The following HPF1 variants were observed in gnomAD, a reference collection of about 807,000 sequenced individuals.
The protein encoded by HPF1 is histone PARylation factor 1.
In HPF1, 35 loss-of-function variants were observed where a neutral mutation model predicts 38.8. The observed-to-expected ratio is 0.90, with a 90% CI of 0.69 to 1.19. HPF1 has a LOEUF of 1.19. Among genes scored for constraint, HPF1 ranks in the 50% most tolerant of loss-of-function variants. HPF1 has a pLI of 0.00. For missense variants in HPF1, 367 were observed against 405.8 expected (o/e 0.90, Z 0.82); for synonymous variants, 115 against 139.2 (o/e 0.83, Z 1.22).
At chr4:169,755,145 A>G (rs934501533) in intron 1 of HPF1, among the ~76,000 whole-genome samples, 21 of 150,216 alleles carry the variant, frequency 1.4e-4, no homozygotes, top group Admixed American at 1.3e-3. Flanking sequence ...CGTCTACAAA[A>G]TGTAATCAGA....
At chr4:169,757,750 G>C in intron 1 of HPF1, 80 bp downstream of exon 1, 1 of 1,285,942 alleles carries the variant, frequency 7.8e-7, no homozygotes. Flanking sequence ...GTCACTGGAT[G>C]AATGAAAAGC....
At chr4:169,750,011 C>T (rs548813303) in intron 3 of HPF1, among the ~76,000 whole-genome samples, 7 of 152,292 alleles carry the variant, frequency 4.6e-5, no homozygotes, top group South Asian at 4.2e-4. Flanking sequence ...CTGGTACAAG[C>T]GGACAAGTAT....
rs942141726 is a variant in HPF1 at position 169,733,089 on chromosome 4, G to A, written c.737-1213C>T. ...TGTGACTTGTGGTGAACTAAACCCAGAAAAAGACAACAATGTAAGAGACAA... is the reference window on the plus strand; with the variant it reads ...TGTGACTTGTGGTGAACTAAACCCAAAAAAAGACAACAATGTAAGAGACAA... On this transcript the variant is annotated intron_variant, in intron 6 of 7. Transcript: ENST00000393381. Among the ~76,000 whole-genome samples the A allele has an allele frequency of 9.2e-5, 14 of 152,178 alleles. No individual in the cohort carries two copies. In the South Asian group the frequency reaches 1.9e-3, roughly 20 times the overall value.
chr4:169,737,225 G>A (rs1163713585), intron 6 of HPF1, among the ~76,000 whole-genome samples: 2 of 149,952 alleles, frequency 1.3e-5, no homozygotes, highest in East Asian at 2.0e-4. Context: ...GGGAGGCGGA[G>A]GTTGCAGTGA....
intron 3 of HPF1, 115 bp from the exon 4 acceptor site, chr4:169,748,957 C>G (rs1320948113): frequency 1.8e-6 from 1 of 551,456 alleles, no homozygotes; most frequent in South Asian, 2.4e-5. Context: ...TTTTTGGAGG[C>G]CTTTTTTTTT....
At chr4:169,746,591 G>T (rs929474833) in intron 4 of HPF1, among the ~76,000 whole-genome samples, 1 of 151,844 alleles carries the variant, frequency 6.6e-6, no homozygotes, top group Non-Finnish European at 1.5e-5. Context: ...GCAGACACAA[G>T]ATTTAATAAT....
chr4:169,742,842 T>C (rs1733993242), intron 4 of HPF1, among the ~76,000 whole-genome samples: 1 of 151,834 alleles, frequency 6.6e-6, no homozygotes, highest in Admixed American at 6.6e-5. Flanking sequence ...GGTCCATGCC[T>C]GTAACCCCAG....
chr4:169,753,625 C>T (rs968706259), intron 2 of HPF1, 51 bp downstream of exon 2: 10 of 1,506,430 alleles, frequency 6.6e-6, no homozygotes, highest in African/African-American at 1.4e-5. Flanking sequence ...AGCTGGTTTC[C>T]TATTACATTA....
rs766246820 is a variant in HPF1 at position 169,748,860 on chromosome 4, A to G, written c.399-18T>C. On this transcript the variant is annotated intron_variant, in intron 3 of 7. Coordinates refer to ENST00000393381, the MANE Select transcript of HPF1 (RefSeq NM_017867.3). ...GAGAATCCCTGTGTAAGCAAAAGAC[A>G]TTAAAAATTTAGCTGCCCATAATTT... is the stretch of plus-strand genomic sequence containing the variant. 2.4e-6 allele frequency: 3 copies of G among 1,228,202 alleles called. No homozygotes were observed. Among genetic ancestry groups the G allele is most frequent in the Non-Finnish European group, 3.5e-6 (3 of 869,516 alleles). The allele number at this position is 1,228,202 out of a possible 1,614,324, so 76.1% of individuals were successfully genotyped here.
At chr4:169,738,526 A>C (rs1374443598) in intron 5 of HPF1, among the ~76,000 whole-genome samples, 2 of 152,168 alleles carry the variant, frequency 1.3e-5, no homozygotes, top group Non-Finnish European at 2.9e-5. Context: ...ACCAAACTCC[A>C]ATTTTAAAGG....
intron 4 of HPF1, among the ~76,000 whole-genome samples, chr4:169,747,165 C>T (rs1581320652): frequency 6.7e-6 from 1 of 149,594 alleles, no homozygotes. Context: ...ATACTCTGCC[C>T]TCGTGGAACT....
chr4:169,750,575 A>G lies in HPF1; in HGVS notation c.359T>C (p.Ile120Thr), dbSNP rs1205204608. The change falls in exon 3 of 8, where the codon ATT (isoleucine) becomes ACT (threonine). Residue 120 changes from isoleucine to threonine, a missense_variant. Physicochemically the swap from Ile to Thr is moderately conservative, Grantham distance 89. Coordinates refer to ENST00000393381, the MANE Select transcript of HPF1 (RefSeq NM_017867.3). ...GTGGTACTGAGTTTTATTATCTCCA[A>G]TAATAATGGTCTGGAACTCAGGAGG... Reference protein sequence around the residue: ...YDPPEFQTIIIGDNKTQYHMG... With the variant: ...YDPPEFQTIITGDNKTQYHMG... The G allele has an allele frequency of 2.5e-6, 4 of 1,610,996 alleles. No individual in the cohort carries two copies. The highest frequency in any genetic ancestry group is 2.5e-6 in the Non-Finnish European group (3 of 1,179,132).
intron 6 of HPF1, 55 bp from the exon 7 acceptor site, chr4:169,731,931 T>A: frequency 7.2e-7 from 1 of 1,393,258 alleles, no homozygotes; most frequent in Non-Finnish European, 1.0e-6. Flanking sequence ...AATGAATCAG[T>A]CTTCAAAAGT....
intron 2 of HPF1, among the ~76,000 whole-genome samples, chr4:169,751,115 T>TA (rs1222031455): frequency 5.3e-5 from 8 of 151,876 alleles, no homozygotes; most frequent in South Asian, 2.1e-4. Flanking sequence ...TTAAGAGTAG[T>TA]AAAAAACAGG....
At chr4:169,753,598 T>A in intron 2 of HPF1, 78 bp downstream of exon 2, 1 of 1,236,880 alleles carries the variant, frequency 8.1e-7, no homozygotes. Context: ...GATTACAGAG[T>A]GTGAGCCACC....
intron 6 of HPF1, among the ~76,000 whole-genome samples, chr4:169,737,267 G>C (rs1733909315): frequency 7.7e-6 from 1 of 129,766 alleles, no homozygotes; most frequent in African/African-American, 2.8e-5. Context: ...TCCAGCCTGG[G>C]CGACAGAGCA....
chr4:169,742,429 T>C (rs1327627194), intron 4 of HPF1, among the ~76,000 whole-genome samples: 4 of 152,156 alleles, frequency 2.6e-5, no homozygotes, highest in African/African-American at 9.7e-5. Flanking sequence ...TACTAAGATA[T>C]GGCATACTAC....
At chr4:169,745,836 A>G (rs1471085134) in intron 4 of HPF1, among the ~76,000 whole-genome samples, 4 of 152,182 alleles carry the variant, frequency 2.6e-5, no homozygotes, top group Non-Finnish European at 5.9e-5. Flanking sequence ...GAATAATGCA[A>G]TGACTGCTGC....
At chr4:169,738,272 G>C (rs1266188334) in intron 5 of HPF1, among the ~76,000 whole-genome samples, 1 of 152,148 alleles carries the variant, frequency 6.6e-6, no homozygotes, top group East Asian at 1.9e-4. Context: ...TTCTAGGTTT[G>C]TGGTGTCCTT....
Sources: allele counts gnomAD v4.1 joint callset (sites outside exome capture counted in the v4.1 genomes callset), GRCh38; gene constraint gnomAD v4.1.1; transcripts MANE v1.5; gene names NCBI Gene and HGNC (gene_info 2026-07-23, HGNC 2026-07-21).